G2E3: variants seen among roughly 807,000 people sequenced by gnomAD.
G2E3 encodes G2/M phase-specific E3 ubiquitin-protein ligase.
Under a neutral mutation model 92.8 loss-of-function variants are expected in G2E3, and 35 were observed. That is an observed-to-expected ratio of 0.38 (90% CI 0.29 to 0.50). The LOEUF is 0.50. Ranked by LOEUF, G2E3 falls within the 20% of genes least tolerant of loss-of-function variation. The pLI, the probability that G2E3 is intolerant of heterozygous loss-of-function variation, is 0.94. For missense variants in G2E3, 554 were observed against 823.8 expected (o/e 0.67, Z 4.01); for synonymous variants, 242 against 272.4 (o/e 0.89, Z 1.10).
At chr14:30,584,396 G>A (rs1257650536) in intron 2 of G2E3, among the ~76,000 whole-genome samples, 5 of 152,158 alleles carry the variant, frequency 3.3e-5, no homozygotes, top group Admixed American at 2.6e-4. Flanking sequence ...GTATATCCAG[G>A]AATAGAATTA....
At chr14:30,609,731 A>T (rs1014257446) in intron 12 of G2E3, among the ~76,000 whole-genome samples, 1 of 151,836 alleles carries the variant, frequency 6.6e-6, no homozygotes, top group Non-Finnish European at 1.5e-5. Context: ...TTTTTGTTTG[A>T]TTGTTTTTTG....
chr14:30,560,661 C>A, intron 1 of G2E3: 2 of 608,646 alleles, frequency 3.3e-6, no homozygotes, highest in East Asian at 2.8e-5. Context: ...TTATTTTTTT[C>A]TACCTGAATT....
At chr14:30,566,086 T>C (rs1003914927) in intron 1 of G2E3, among the ~76,000 whole-genome samples, 1 of 152,234 alleles carries the variant, frequency 6.6e-6, no homozygotes, top group Admixed American at 6.5e-5. Flanking sequence ...CGTGAGTTTA[T>C]TTATTGACTC....
intron 2 of G2E3, among the ~76,000 whole-genome samples, chr14:30,585,655 T>G (rs1423898989): frequency 6.6e-6 from 1 of 152,016 alleles, no homozygotes; most frequent in Non-Finnish European, 1.5e-5. Flanking sequence ...CCAACTTTTT[T>G]TTTTTACTCC....
At chr14:30,609,165 G>C (rs1194634480) in intron 12 of G2E3, among the ~76,000 whole-genome samples, 1 of 151,550 alleles carries the variant, frequency 6.6e-6, no homozygotes, top group Non-Finnish European at 1.5e-5. Context: ...TTTGCCCTAA[G>C]ACTGCTTATC....
chr14:30,576,955 G>A lies in G2E3; in HGVS notation c.-4-4121G>A, dbSNP rs757484785. 3.3e-5 allele frequency among the ~76,000 whole-genome samples: 5 copies of A among 152,140 alleles called. No individual in the cohort carries two copies. The East Asian group carries it at 5.8e-4, about 18-fold the overall frequency. ...GAAAATGTTGGATGGGGCCAGGCACGATGGCTCACACCTGTAATCCCAGCA... is the reference window on the plus strand; with the variant it reads ...GAAAATGTTGGATGGGGCCAGGCACAATGGCTCACACCTGTAATCCCAGCA... On this transcript the variant is annotated intron_variant, in intron 1 of 14. Transcript: ENST00000206595.
intron 13 of G2E3, among the ~76,000 whole-genome samples, chr14:30,613,184 C>G (rs543529903): frequency 6.6e-6 from 1 of 152,208 alleles, no homozygotes; most frequent in East Asian, 1.9e-4. Flanking sequence ...ATATGAAAGT[C>G]TGTAATCACC....
chr14:30,573,882 C>T (rs1262988212), intron 1 of G2E3, among the ~76,000 whole-genome samples: 7 of 152,128 alleles, frequency 4.6e-5, no homozygotes, highest in African/African-American at 1.7e-4. Context: ...ATCTGGGCGT[C>T]CTGTGGCCTG....
In G2E3 at chr14:30,619,322, C is replaced by G. The variant is rs1264265402; in HGVS notation, c.*2788C>G. ...GCTATTGGAACTTTTGTATTCAGTG[C>G]TAAATACTAAGTCAAGGGGAGTATA... On this transcript the variant is annotated 3_prime_UTR_variant, in exon 15 of 15. Coordinates refer to ENST00000206595, the MANE Select transcript of G2E3 (RefSeq NM_017769.5). 6.6e-6 allele frequency: 1 copy of G among 152,020 alleles called. No individual in the cohort carries two copies. Among genetic ancestry groups the G allele is most frequent in the Non-Finnish European group, 1.5e-5 (1 of 67,920 alleles). The allele number at this position is 152,020 out of a possible 1,614,324, so 9.4% of individuals were successfully genotyped here.
intron 3 of G2E3, 108 bp downstream of exon 3, chr14:30,586,923 T>A: frequency 2.4e-6 from 1 of 420,224 alleles, no homozygotes; most frequent in Non-Finnish European, 4.3e-6. Context: ...CTTCTCCAGA[T>A]CTCATTTTGT....
In G2E3 at chr14:30,593,496, C is replaced by G; in HGVS notation, c.385C>G (p.Pro129Ala). The G allele has an allele frequency of 6.4e-7, 1 of 1,550,728 alleles. No individual in the cohort carries two copies. Among genetic ancestry groups the G allele is most frequent in the Admixed American group, 1.8e-5 (1 of 56,666 alleles). ...TAGGTCATTTTGTTGGGACCATCGACCTGTTCAAATAATTACATCTAATAA... is the reference window on the plus strand; with the variant it reads ...TAGGTCATTTTGTTGGGACCATCGAGCTGTTCAAATAATTACATCTAATAA... Reference protein sequence around the residue: ...NFASFCWDHRPVQIITSNNYR... With the variant: ...NFASFCWDHRAVQIITSNNYR... The change falls in exon 6 of 15, where the codon CCT becomes GCT. Residue 129 changes from proline to alanine, a missense_variant. Pro to Ala is a conservative substitution (Grantham distance 27). This residue lies in a region of G2E3 where 137 missense variants were observed against 201.3 expected (regional missense o/e 0.68). Coordinates refer to ENST00000206595, the MANE Select transcript of G2E3 (RefSeq NM_017769.5).
rs1041532904 is a variant in G2E3, at chr14:30,590,861, T to C, written c.237+1377T>C. 1.1e-5 allele frequency: 4 copies of C among 379,600 alleles called. No individual in the cohort carries two copies. The Admixed American group carries it at 1.3e-4, about 12-fold the overall frequency. The allele number at this position is 379,600 out of a possible 1,614,324, so 23.5% of individuals were successfully genotyped here. On this transcript the variant is annotated intron_variant, in intron 4 of 14. Transcript: ENST00000206595. ...TCCCCTTATGGTTTGGAACTACAGA[T>C]TGAATATCCCTTATCCAAAATGCTT...
chr14:30,609,381 G>A (rs925100953), intron 12 of G2E3, among the ~76,000 whole-genome samples: 11 of 152,058 alleles, frequency 7.2e-5, no homozygotes, highest in Non-Finnish European at 1.0e-4. Context: ...ATGTCCAAAG[G>A]CCTTTTCTAA....
At chr14:30,581,014 T>G (rs1880403145) in intron 1 of G2E3, 62 bp from the exon 2 acceptor site, 7 of 891,580 alleles carry the variant, frequency 7.9e-6, no homozygotes, top group South Asian at 4.1e-5. Flanking sequence ...CTGCAAGTAA[T>G]AAAAGTTGTT....
chr14:30,601,884 C>T lies in G2E3; in HGVS notation c.867C>T (p.Ile289=), dbSNP rs1292558224. 16 of 1,612,766 alleles carry T rather than the reference C, an allele frequency of 9.9e-6. No individual in the cohort carries two copies. Among genetic ancestry groups the T allele is most frequent in the Non-Finnish European group, 1.4e-5 (16 of 1,179,350 alleles). The change falls in exon 9 of 15, where the codon ATC becomes ATT. Residue 289 remains isoleucine (I), a synonymous_variant. Coordinates refer to ENST00000206595, the MANE Select transcript of G2E3 (RefSeq NM_017769.5). ...AGTGTTTGGAATGTAGGGGTATTAT[C>T]TACAATTCAGGTAATTTTTTTGTAA... is the stretch of plus-strand genomic sequence containing the variant. The part of the protein sequence containing the change: ...NWECLECRGI[I]YNSGEFQKAK...
rs1446136919 is a variant in G2E3 at position 30,620,021 on chromosome 14, C to G, written c.*3487C>G. The G allele has an allele frequency of 2.0e-5, 3 of 152,110 alleles. No homozygotes were observed. Among genetic ancestry groups the G allele is most frequent in the South Asian group, 2.1e-4 (1 of 4,828 alleles). The allele number at this position is 152,110 out of a possible 1,614,324, so 9.4% of individuals were successfully genotyped here. A position where few individuals can be genotyped will look rare whatever the true frequency, so the allele number is the denominator to read the frequency against. On this transcript the variant is annotated 3_prime_UTR_variant, in exon 15 of 15. Coordinates refer to ENST00000206595, the MANE Select transcript of G2E3 (RefSeq NM_017769.5). ...AATCTGTGTTAAAACTATGTATCCT[C>G]TAATGTAAAATAGCTTACCAGAATA...
chr14:30,585,490 CTCT>C (rs1880659993), intron 2 of G2E3, among the ~76,000 whole-genome samples: 1 of 151,938 alleles, frequency 6.6e-6, no homozygotes, highest in Admixed American at 6.6e-5. Context: ...TATTTCTGGA[CTCT>C]TCTTTTTCAT....
rs766510980 is a variant in G2E3, at chr14:30,601,837, C to T, written c.820C>T (p.Arg274Trp). 2.0e-5 allele frequency: 33 copies of T among 1,613,488 alleles called. No homozygotes were observed. The highest frequency in any genetic ancestry group is 1.7e-4 in the African/African-American group (13 of 74,860). Residue 274 changes from arginine (R) to tryptophan (W), a missense_variant, in exon 9 of 15, where the codon CGG becomes TGG. Physicochemically the swap from Arg to Trp is moderately radical, Grantham distance 101. Transcript: ENST00000206595. ...CACACATTTAGCCTGCTCCTCATTA[C>T]GGTCATGGGAGCAAAATTGGGAGTG... is the stretch of plus-strand genomic sequence containing the variant. ...SGTHLACSSLRSWEQNWECLE... is the reference protein window; with the variant it reads ...SGTHLACSSLWSWEQNWECLE...
chr14:30,605,606 T>G lies in G2E3; in HGVS notation c.1112T>G (p.Ile371Ser). 6.3e-7 allele frequency: 1 copy of G among 1,575,236 alleles called. No homozygotes were observed. The highest frequency in any genetic ancestry group is 8.7e-7 in the Non-Finnish European group (1 of 1,147,532). ...AGATTGTATATCAACAAAGCCAATA[T>G]CTGGAATAGTGCCTTAGATGCATTC... ...TKRLYINKAN[I>S]WNSALDAFRN... Residue 371 changes from isoleucine to serine, a missense_variant, in exon 11 of 15, where the codon ATC becomes AGC. Physicochemically the swap from Ile to Ser is moderately radical, Grantham distance 142. This residue lies in a region of G2E3 where 397 missense variants were observed against 560.3 expected (regional missense o/e 0.71). Transcript: ENST00000206595.
Sources: gnomAD v4.1 joint callset for allele counts (sites outside exome capture counted in the v4.1 genomes callset) on GRCh38, gnomAD v4.1.1 for gene constraint, gnomAD v4.1.1 regional missense constraint, MANE v1.5 for transcripts, NCBI Gene and HGNC (gene_info 2026-07-23, HGNC 2026-07-21) for gene names.